MACROD2: variants seen among roughly 807,000 people sequenced by gnomAD.
MACROD2 encodes mono-ADP ribosylhydrolase 2, also known as ADP-ribose glycohydrolase MACROD2.
In MACROD2, 36 loss-of-function variants were observed where a neutral mutation model predicts 70.4. The observed-to-expected ratio is 0.51, with a 90% confidence interval of 0.39 to 0.68. The LOEUF (loss-of-function observed/expected upper bound fraction) is 0.68. Among genes scored for constraint, MACROD2 ranks in the 30% least tolerant of loss-of-function variants. The probability of loss-of-function intolerance (pLI) is 0.00; values close to 1 mark genes in which losing one functional copy is unlikely to be tolerated. For missense variants in MACROD2, 496 were observed against 538.4 expected (o/e 0.92, Z 0.78); for synonymous variants, 172 against 178.8 (o/e 0.96, Z 0.30).
intron 5 of MACROD2, among the ~76,000 whole-genome samples, chr20:14,720,100 C>A (rs1180674805): frequency 1.3e-5 from 2 of 152,070 alleles, no homozygotes; most frequent in Non-Finnish European, 2.9e-5. Context: ...AGAAAAACAA[C>A]CCTCCTTTTA....
intron 5 of MACROD2, among the ~76,000 whole-genome samples, chr20:14,922,873 G>T (rs1288817180): frequency 6.6e-6 from 1 of 152,108 alleles, no homozygotes; most frequent in Non-Finnish European, 1.5e-5. Flanking sequence ...TTGAGCATAT[G>T]GTTCAGGAAC....
intron 12 of MACROD2, among the ~76,000 whole-genome samples, chr20:15,962,963 A>T (rs1260711164): frequency 6.6e-6 from 1 of 152,214 alleles, no homozygotes; most frequent in African/African-American, 2.4e-5. Context: ...CCTATATAAA[A>T]GAGTAGCCGC....
At chr20:15,021,104 AC>A (rs2075167493) in intron 5 of MACROD2, among the ~76,000 whole-genome samples, 1 of 128,882 alleles carries the variant, frequency 7.8e-6, no homozygotes, top group African/African-American at 3.2e-5. Flanking sequence ...ATGTGTATAC[AC>A]GTGTATGTGT....
chr20:14,762,288 A>T (rs2072025934), intron 5 of MACROD2, among the ~76,000 whole-genome samples: 1 of 151,994 alleles, frequency 6.6e-6, no homozygotes, highest in Non-Finnish European at 1.5e-5. Context: ...ATCTCCTCTC[A>T]AGTGTCTATA....
chr20:15,770,258 C>T (rs1475062724), intron 8 of MACROD2, among the ~76,000 whole-genome samples: 16 of 151,918 alleles, frequency 1.1e-4, no homozygotes, highest in Admixed American at 1.0e-3. Context: ...AATTTTACCT[C>T]TTCTTCTTTA....
intron 15 of MACROD2, among the ~76,000 whole-genome samples, chr20:15,996,015 T>C (rs2066626864): frequency 1.3e-5 from 2 of 152,260 alleles, no homozygotes; most frequent in South Asian, 2.1e-4. Context: ...CCTTCAGATA[T>C]GTAACCAGAA....
intron 5 of MACROD2, among the ~76,000 whole-genome samples, chr20:15,097,868 A>T (rs183137851): frequency 8.0e-4 from 122 of 152,362 alleles, no homozygotes; most frequent in Non-Finnish European, 1.4e-3. Context: ...GTATTTCAGT[A>T]TCCAGAAGTC....
intron 3 of MACROD2, among the ~76,000 whole-genome samples, chr20:14,195,579 C>T (rs1010716190): frequency 1.3e-5 from 2 of 152,046 alleles, no homozygotes; most frequent in Non-Finnish European, 2.9e-5. Flanking sequence ...TAAAAACCCC[C>T]GAGACCCTAG....
At chr20:16,023,198 G>A (rs1005235072) in intron 15 of MACROD2, among the ~76,000 whole-genome samples, 16 of 151,880 alleles carry the variant, frequency 1.1e-4, no homozygotes, top group Admixed American at 8.5e-4. Context: ...GGTGCCATCC[G>A]GGCATGGTGG....
intron 12 of MACROD2, among the ~76,000 whole-genome samples, chr20:15,961,991 G>T (rs1443307507): frequency 6.6e-6 from 1 of 152,108 alleles, no homozygotes; most frequent in Non-Finnish European, 1.5e-5. Context: ...TTGCCAAATG[G>T]GAAAAATTAA....
intron 8 of MACROD2, among the ~76,000 whole-genome samples, chr20:15,767,186 T>A (rs2051542288): frequency 6.6e-6 from 1 of 152,234 alleles, no homozygotes; most frequent in South Asian, 2.1e-4. Context: ...AATGAGTAAC[T>A]AGATTTTATG....
At chr20:14,778,040 G>A (rs757264533) in intron 5 of MACROD2, among the ~76,000 whole-genome samples, 4 of 152,056 alleles carry the variant, frequency 2.6e-5, no homozygotes, top group African/African-American at 4.8e-5. Context: ...TTATCCTCAA[G>A]CCAGGCCAGT....
intron 2 of MACROD2, among the ~76,000 whole-genome samples, chr20:14,065,214 A>G (rs527829596): frequency 1.3e-5 from 2 of 152,310 alleles, no homozygotes; most frequent in South Asian, 4.1e-4. Flanking sequence ...GTGTGTGGAC[A>G]TCTGACACAC....
At chr20:14,002,877 T>C (rs1244690113) in intron 2 of MACROD2, among the ~76,000 whole-genome samples, 1 of 152,256 alleles carries the variant, frequency 6.6e-6, no homozygotes, top group Admixed American at 6.5e-5. Context: ...TGTGTTATTA[T>C]GTCTGTATGT....
At chr20:15,987,217 A>AGGCAG in intron 15 of MACROD2, 59 bp downstream of exon 15, 1 of 1,338,526 alleles carries the variant, frequency 7.5e-7, no homozygotes, top group Non-Finnish European at 1.0e-6. Context: ...ATTCCTGCCT[A>AGGCAG]GAATTCAACC....
At chr20:15,422,662 T>G (rs2046245746) in intron 6 of MACROD2, among the ~76,000 whole-genome samples, 1 of 152,214 alleles carries the variant, frequency 6.6e-6, no homozygotes. Flanking sequence ...GCAGTGCTGC[T>G]GCCTCCCATG....
At chr20:14,745,744 G>A (rs1388478260) in intron 5 of MACROD2, among the ~76,000 whole-genome samples, 1 of 152,122 alleles carries the variant, frequency 6.6e-6, no homozygotes, top group Non-Finnish European at 1.5e-5. Flanking sequence ...CCCAGAGTCT[G>A]CCTTGCTGTA....
rs531496247 is a variant in MACROD2, at chr20:15,220,427, A to G, written c.419-9513A>G. On this transcript the variant is annotated intron_variant, in intron 5 of 17. Coordinates refer to ENST00000684519, the MANE Select transcript of MACROD2 (RefSeq NM_001351661.2). ...GTGGAAGCATCGAGTCACTGCAGGA[A>G]AACAGAAATCACAGAATCATGACAT... Among the ~76,000 whole-genome samples the G allele has an allele frequency of 2.1e-3, 315 of 152,384 alleles. 1 individual carries two copies. Among genetic ancestry groups the G allele is most frequent in the Non-Finnish European group, 3.8e-3 (260 of 68,040 alleles).
At chr20:15,104,169 C>T (rs1342017784) in intron 5 of MACROD2, among the ~76,000 whole-genome samples, 2 of 152,066 alleles carry the variant, frequency 1.3e-5, no homozygotes, top group Non-Finnish European at 2.9e-5. Context: ...GGTTTGATTT[C>T]AATAAAGTGG....
Sources: allele counts gnomAD v4.1 joint callset (sites outside exome capture counted in the v4.1 genomes callset), GRCh38; gene constraint gnomAD v4.1.1; transcripts MANE v1.5; gene names NCBI Gene and HGNC (gene_info 2026-07-23, HGNC 2026-07-21).